Variants in BEST4 observed in about 807,000 individuals in gnomAD.
BEST4 encodes the protein bestrophin 4, also known as bestrophin-4.
Under a neutral mutation model 47.1 loss-of-function variants are expected in BEST4, and 36 were observed. The observed-to-expected ratio is 0.76, with a 90% CI of 0.59 to 1.01. The LOEUF is 1.01. Ranked by LOEUF, BEST4 falls within the 50% of genes least tolerant of loss-of-function variation. BEST4 has a pLI of 0.00. For missense variants in BEST4, 550 were observed against 648.6 expected, an observed-to-expected ratio of 0.85 and a Z score of 1.65; for synonymous variants, 250 against 277.8, an observed-to-expected ratio of 0.90 and a Z score of 1.00.
At chr1:44,788,413 T>TGTCCCA (rs1651322068), upstream of BEST4, among the ~76,000 whole-genome samples, 1 of 152,214 alleles carries the variant, frequency 6.6e-6, no homozygotes, top group South Asian at 2.1e-4. Context: ...CAGGGGTTAT[T>TGTCCCA]GTCCCACGTT....
rs16832247 is a variant in BEST4, at chr1:44,787,677, G to A, written c.29C>T (p.Ala10Val). The change falls in exon 1 of 9, where the codon GCG becomes GTG. Residue 10 changes from alanine to valine, a missense_variant. Ala to Val is a moderately conservative substitution (Grantham distance 64). Around this residue, in one of 3 missense-constraint regions of BEST4, gnomAD observed 291 missense variants for 342.4 expected, o/e 0.85. Coordinates refer to ENST00000372207, the MANE Select transcript of BEST4 (RefSeq NM_153274.3). MTVSYTLKVAEARFGGFSGL... is the reference protein window; with the variant it reads MTVSYTLKVVEARFGGFSGL... Reference sequence around the variant, plus strand: ...AGAGAAACCTCCGAAGCGGGCCTCCGCCACTTTGAGAGTGTATGAAACCGT... The same window carrying A: ...AGAGAAACCTCCGAAGCGGGCCTCCACCACTTTGAGAGTGTATGAAACCGT... 3.7e-6 allele frequency: 6 copies of A among 1,614,126 alleles called. No individual in the cohort carries two copies. The highest frequency in any genetic ancestry group is 5.1e-6 in the Non-Finnish European group (6 of 1,180,026).
chr1:44,784,810 C>CCTCCT lies in BEST4; in HGVS notation c.994-32_994-28dup, dbSNP rs756736992. On this transcript the variant is annotated intron_variant, in intron 7 of 8. Coordinates refer to ENST00000372207, the MANE Select transcript of BEST4 (RefSeq NM_153274.3). The surrounding 1 kb of genome is among the most constrained non-coding windows in gnomAD (Gnocchi z 6.2). ...TGGGCCACCAGCAAGTTACAAGGAT[C>CCTCCT]CTCCTCTCCTCTCCTTCCCACGGCC... The CCTCCT allele has an allele frequency of 1.5e-5, 24 of 1,595,498 alleles. No individual in the cohort carries two copies. Among genetic ancestry groups the CCTCCT allele is most frequent in the East Asian group, 2.2e-5 (1 of 44,734 alleles).
chr1:44,785,050 C>A (rs1651170614), intron 6 of BEST4, 58 bp downstream of exon 6: 2 of 1,610,600 alleles, frequency 1.2e-6, no homozygotes, highest in Admixed American at 3.4e-5. Context: ...AAAGTCGGGG[C>A]AGCCCCTCTG....
At chr1:44,791,549 C>T (rs750053283), upstream of BEST4, among the ~76,000 whole-genome samples, 47 of 151,982 alleles carry the variant, frequency 3.1e-4, 1 homozygote, top group Non-Finnish European at 1.9e-4. Flanking sequence ...GCCCTGTGGT[C>T]TGTGAATTTC....
At position 44,788,052 on chromosome 1, in the gene BEST4, T is replaced by C. The variant is rs1557614703; in HGVS notation, c.-347A>G. 1.3e-5 allele frequency among the ~76,000 whole-genome samples: 2 copies of C among 152,206 alleles called. No individual in the cohort carries two copies. Among genetic ancestry groups the C allele is most frequent in the Non-Finnish European group, 2.9e-5 (2 of 68,034 alleles). On this transcript the variant is annotated 5_prime_UTR_variant, in exon 1 of 9. Coordinates refer to ENST00000372207, the MANE Select transcript of BEST4 (RefSeq NM_153274.3). ...CAGCTCCAGCCCAAATCCACTGCTA[T>C]TCCTTGGGGCCTTGCTTTGGAAGCT...
upstream of BEST4, among the ~76,000 whole-genome samples, chr1:44,789,323 C>G (rs1422456808): frequency 6.7e-6 from 1 of 150,074 alleles, no homozygotes; most frequent in African/African-American, 2.5e-5. Context: ...TCGCTTGAAC[C>G]CGGGAGGGAG....
chr1:44,786,805 G>A lies in BEST4; in HGVS notation c.248-109C>T, dbSNP rs2148848477. 1 of 831,510 alleles carries A rather than the reference G, an allele frequency of 1.2e-6. No individual in the cohort carries two copies. Among genetic ancestry groups the A allele is most frequent in the Non-Finnish European group, 1.9e-6 (1 of 539,114 alleles). The allele number at this position is 831,510 out of a possible 1,614,324, so 51.5% of individuals were successfully genotyped here. The stretch of plus-strand genomic sequence containing the variant: ...GCCTGGTCCAGGCCAGTTGAATCGT[G>A]GCAGGGGGAAGGAAACATTCAGCTC... On this transcript the variant is annotated intron_variant, in intron 2 of 8. Transcript: ENST00000372207. The surrounding 1 kb of genome is among the most constrained non-coding windows in gnomAD (Gnocchi z 4.9).
Position 44,787,678 on chromosome 1 carries a change from C to A in BEST4, c.28G>T (p.Ala10Ser). The A allele has an allele frequency of 6.2e-7, 1 of 1,614,148 alleles. No individual in the cohort carries two copies. Among genetic ancestry groups the A allele is most frequent in the Non-Finnish European group, 8.5e-7 (1 of 1,180,034 alleles). MTVSYTLKV[A>S]EARFGGFSGL... The stretch of plus-strand genomic sequence containing the variant: ...GAGAAACCTCCGAAGCGGGCCTCCG[C>A]CACTTTGAGAGTGTATGAAACCGTC... Residue 10 changes from alanine (A) to serine (S), a missense_variant, in exon 1 of 9, where the codon GCG becomes TCG. Physicochemically the swap from Ala to Ser is moderately conservative, Grantham distance 99. Coordinates refer to ENST00000372207, the MANE Select transcript of BEST4 (RefSeq NM_153274.3).
In BEST4 at chr1:44,785,222, T is replaced by C; in HGVS notation, c.798A>G (p.Lys266=). ...QFVEPEAGAA[K]PQKLLKPGQE... ...GGCCTGGCTTCAGAAGCTTCTGAGGTTTGGCAGCCCCTGCCTCTGGCTCCA... is the reference window on the plus strand; with the variant it reads ...GGCCTGGCTTCAGAAGCTTCTGAGGCTTGGCAGCCCCTGCCTCTGGCTCCA... The change falls in exon 6 of 9, where the codon AAA becomes AAG. Residue 266 remains lysine, a synonymous_variant. Coordinates refer to ENST00000372207, the MANE Select transcript of BEST4 (RefSeq NM_153274.3). The C allele has an allele frequency of 6.2e-7, 1 of 1,613,058 alleles. No homozygotes were observed. The highest frequency in any genetic ancestry group is 8.5e-7 in the Non-Finnish European group (1 of 1,179,628).
At position 44,784,095 on chromosome 1, in the gene BEST4, T is replaced by G. The variant is rs1014458310; in HGVS notation, c.*115A>C. On this transcript the variant is annotated 3_prime_UTR_variant, in exon 9 of 9. Coordinates refer to ENST00000372207, the MANE Select transcript of BEST4 (RefSeq NM_153274.3). This position sits in a 1 kb window ranked among gnomAD's most constrained non-coding sequence, Gnocchi z 6.2. ...TCTTTCAAGTTCTGTCCCTAAATGC[T>G]CTGGCCTTCAAGGCACACAGGAAAA... 30 of 1,038,078 alleles carry G rather than the reference T, an allele frequency of 2.9e-5. No homozygotes were observed. The highest frequency in any genetic ancestry group is 3.6e-5 in the Non-Finnish European group (28 of 779,450). The allele number at this position is 1,038,078 out of a possible 1,614,324, so 64.3% of individuals were successfully genotyped here.
chr1:44,792,131 A>G (rs1270591450), upstream of BEST4, among the ~76,000 whole-genome samples: 1 of 152,032 alleles, frequency 6.6e-6, no homozygotes, highest in Non-Finnish European at 1.5e-5. Flanking sequence ...AATCCCAGCT[A>G]CTCCGGAGGC....
rs1651122121 is a variant in BEST4 at position 44,784,154 on chromosome 1, C to G, written c.*56G>C. The G allele has an allele frequency of 1.5e-6, 2 of 1,357,918 alleles. No homozygotes were observed. Among genetic ancestry groups the G allele is most frequent in the Admixed American group, 3.9e-5 (1 of 25,592 alleles). The allele number at this position is 1,357,918 out of a possible 1,614,324, so 84.1% of individuals were successfully genotyped here. A position where few individuals can be genotyped will look rare whatever the true frequency, so the allele number is the denominator to read the frequency against. On this transcript the variant is annotated 3_prime_UTR_variant, in exon 9 of 9. Transcript: ENST00000372207. This position sits in a 1 kb window ranked among gnomAD's most constrained non-coding sequence, Gnocchi z 6.2. Reference sequence around the variant, plus strand: ...AATAGAGCTGGCTGGCAGGACCGGGCACGGGAGGGAAGGAGGGCAGTGGGT... The same window carrying G: ...AATAGAGCTGGCTGGCAGGACCGGGGACGGGAGGGAAGGAGGGCAGTGGGT...
chr1:44,784,660 G>T lies in BEST4; in HGVS notation c.1117C>A (p.Pro373Thr). The change falls in exon 8 of 9, where the codon CCC becomes ACC. Residue 373 changes from proline (P) to threonine (T), a missense_variant. By Grantham distance (38) the Pro-to-Thr change is conservative. This residue lies in a region of BEST4 where 255 missense variants were observed against 286.6 expected (regional missense o/e 0.89). Transcript: ENST00000372207. This position sits in a 1 kb window ranked among gnomAD's most constrained non-coding sequence, Gnocchi z 6.2. ...TVATAAESLRPSFLGSTFNLR... is the reference protein window; with the variant it reads ...TVATAAESLRTSFLGSTFNLR... Reference sequence around the variant, plus strand: ...TTGAAGGTGGAGCCCAGGAATGAGGGCCGCAGAGACTCGGCCGCCGTGGCC... The same window carrying T: ...TTGAAGGTGGAGCCCAGGAATGAGGTCCGCAGAGACTCGGCCGCCGTGGCC... 1 of 1,613,552 alleles carries T rather than the reference G, an allele frequency of 6.2e-7. No homozygotes were observed. Among genetic ancestry groups the T allele is most frequent in the South Asian group, 1.1e-5 (1 of 91,038 alleles).
chr1:44,785,783 C>T, intron 4 of BEST4, 107 bp from the exon 5 acceptor site: 3 of 1,014,290 alleles, frequency 3.0e-6, no homozygotes, highest in Non-Finnish European at 4.4e-6. Flanking sequence ...TCATTCTGCC[C>T]TCAGAGGTGT....
chr1:44,790,238 T>C (rs760814423), upstream of BEST4, among the ~76,000 whole-genome samples: 1 of 152,180 alleles, frequency 6.6e-6, no homozygotes, highest in Non-Finnish European at 1.5e-5. Flanking sequence ...GCAGAGACCT[T>C]TTCTTCATGT....
intron 4 of BEST4, 49 bp from the exon 5 acceptor site, chr1:44,785,725 G>A (rs775563639): frequency 1.0e-5 from 15 of 1,485,394 alleles, no homozygotes; most frequent in Non-Finnish European, 1.4e-5. Context: ...GGAAGGAACA[G>A]GGGTGCCCAG....
At chr1:44,790,122 C>A (rs1651372296), upstream of BEST4, among the ~76,000 whole-genome samples, 1 of 152,174 alleles carries the variant, frequency 6.6e-6, no homozygotes, top group Admixed American at 6.5e-5. Flanking sequence ...TTGGCTTGGG[C>A]TGCTGTTACT....
chr1:44,785,990 T>C lies in BEST4; in HGVS notation c.636+84A>G, dbSNP rs75703768. The C allele has an allele frequency of 1.3e-3, 1,967 of 1,491,992 alleles. 55 individuals are homozygous for C. In the East Asian group the frequency reaches 0.041, roughly 31 times the overall value. The allele number at this position is 1,491,992 out of a possible 1,614,324, so 92.4% of individuals were successfully genotyped here. On this transcript the variant is annotated intron_variant, in intron 4 of 8. Transcript: ENST00000372207. ...AGGCTGGGGTACACAGCTGATGCCA[T>C]ACAACTGTTAGGTATTAAAATTATT...
Position 44,784,982 on chromosome 1 carries a change from C to G in BEST4, c.916G>C (p.Ala306Pro). 6.2e-7 allele frequency: 1 copy of G among 1,614,104 alleles called. No homozygotes were observed. The highest frequency in any genetic ancestry group is 1.3e-5 in the African/African-American group (1 of 75,046). Residue 306 changes from alanine to proline, a missense_variant, in exon 7 of 9, where the codon GCT becomes CCT. Around this residue, in one of 3 missense-constraint regions of BEST4, gnomAD observed 255 missense variants for 286.6 expected, o/e 0.89. Transcript: ENST00000372207. The surrounding 1 kb of genome is among the most constrained non-coding windows in gnomAD (Gnocchi z 6.2). ...FFFYAGWLKVAEQIINPFGED... is the reference protein window; with the variant it reads ...FFFYAGWLKVPEQIINPFGED... ...CCAAATGGGTTGATGATCTGTTCAG[C>G]CACCTATAGGTGGCAGAGACAGGGT... is the stretch of plus-strand genomic sequence containing the variant.
Sources: allele counts gnomAD v4.1 joint callset (sites outside exome capture counted in the v4.1 genomes callset), GRCh38; gene constraint gnomAD v4.1.1; regional missense constraint gnomAD v4.1.1; non-coding constraint Gnocchi (gnomAD v3.1); transcripts MANE v1.5; gene names NCBI Gene and HGNC (gene_info 2026-07-23, HGNC 2026-07-21).